Variants in GPC6 observed in about 807,000 individuals in gnomAD.
GPC6 encodes the protein glypican 6.
A neutral mutation model predicts 55.2 loss-of-function variants in GPC6; 14 were observed. The observed-to-expected ratio is 0.25, with a 90% CI of 0.17 to 0.40. The LOEUF is 0.40. Ranked by LOEUF, GPC6 falls within the 10% of genes least tolerant of loss-of-function variation. GPC6 has a pLI of 1.00. For synonymous variants in GPC6, 278 were observed against 259.6 expected, an observed-to-expected ratio of 1.07 and a Z score of -0.68; for missense variants, 641 against 708.5, an observed-to-expected ratio of 0.90 and a Z score of 1.08.
intron 2 of GPC6, among the ~76,000 whole-genome samples, chr13:93,564,752 C>T (rs1347246008): frequency 6.6e-6 from 1 of 152,070 alleles, no homozygotes; most frequent in Non-Finnish European, 1.5e-5. Context: ...ATATTTTGTA[C>T]ATGAATTACT....
At chr13:93,885,834 G>A (rs1875290737) in intron 3 of GPC6, among the ~76,000 whole-genome samples, 1 of 152,050 alleles carries the variant, frequency 6.6e-6, no homozygotes, top group South Asian at 2.1e-4. Flanking sequence ...TTAACAGTAA[G>A]TAAAATAGAG....
intron 3 of GPC6, among the ~76,000 whole-genome samples, chr13:93,933,927 G>A (rs2140357015): frequency 6.6e-6 from 1 of 152,172 alleles, no homozygotes; most frequent in South Asian, 2.1e-4. Context: ...ATTTCGCTTG[G>A]GCCTCAGAAA....
At chr13:93,299,332 A>C in intron 1 of GPC6, among the ~76,000 whole-genome samples, 1 of 152,250 alleles carries the variant, frequency 6.6e-6, no homozygotes, top group East Asian at 1.9e-4. Flanking sequence ...GTGCAGAGCA[A>C]TGTAATATAT....
chr13:93,610,275 C>G (rs1878408841), intron 2 of GPC6, among the ~76,000 whole-genome samples: 1 of 152,056 alleles, frequency 6.6e-6, no homozygotes, highest in Admixed American at 6.5e-5. Context: ...AAGCAACTGA[C>G]TCTCTCAACA....
intron 2 of GPC6, among the ~76,000 whole-genome samples, chr13:93,697,460 A>G (rs2138789464): frequency 6.6e-6 from 1 of 152,230 alleles, no homozygotes. Context: ...TTAATTCTAT[A>G]TCTGTTTTAC....
chr13:93,978,734 A>G (rs1056549606), intron 3 of GPC6, among the ~76,000 whole-genome samples: 2 of 152,118 alleles, frequency 1.3e-5, no homozygotes, highest in African/African-American at 2.4e-5. Context: ...GGTTTTTCCT[A>G]TAACCTCAAA....
At chr13:94,095,629 A>G (rs1885630780) in intron 4 of GPC6, among the ~76,000 whole-genome samples, 1 of 152,122 alleles carries the variant, frequency 6.6e-6, no homozygotes, top group Non-Finnish European at 1.5e-5. Flanking sequence ...CTACTGACTG[A>G]CTTGTTGAAT....
chr13:94,280,325 T>G (rs945402967), intron 4 of GPC6, among the ~76,000 whole-genome samples: 1 of 152,204 alleles, frequency 6.6e-6, no homozygotes, highest in African/African-American at 2.4e-5. Flanking sequence ...ACCTTCTGCC[T>G]GGGTAATTTC....
At chr13:93,612,954 T>A (rs1208699891) in intron 2 of GPC6, among the ~76,000 whole-genome samples, 1 of 152,180 alleles carries the variant, frequency 6.6e-6, no homozygotes, top group Non-Finnish European at 1.5e-5. Flanking sequence ...TGTACAGACC[T>A]TTAAATGACT....
At chr13:93,651,933 C>T (rs974416991) in intron 2 of GPC6, among the ~76,000 whole-genome samples, 1 of 152,178 alleles carries the variant, frequency 6.6e-6, no homozygotes. Context: ...ATTAAATGCT[C>T]CCAGGTGATT....
At chr13:93,975,171 G>A (rs1594634564) in intron 3 of GPC6, among the ~76,000 whole-genome samples, 2 of 152,104 alleles carry the variant, frequency 1.3e-5, no homozygotes, top group Admixed American at 1.3e-4. Flanking sequence ...AGACTATGAG[G>A]ATCACTTCTT....
At chr13:93,865,061 A>G (rs1888919755) in intron 3 of GPC6, among the ~76,000 whole-genome samples, 1 of 151,642 alleles carries the variant, frequency 6.6e-6, no homozygotes, top group South Asian at 2.1e-4. Context: ...ATTTCATCAC[A>G]ATTGGATTGC....
chr13:93,836,632 A>G (rs771161251), intron 3 of GPC6, among the ~76,000 whole-genome samples: 2 of 152,196 alleles, frequency 1.3e-5, no homozygotes, highest in Non-Finnish European at 2.9e-5. Flanking sequence ...TGATGTTTCT[A>G]TGCTTACAAC....
intron 3 of GPC6, among the ~76,000 whole-genome samples, chr13:93,864,351 A>T (rs988498461): frequency 1.3e-5 from 2 of 151,696 alleles, no homozygotes; most frequent in African/African-American, 4.8e-5. Flanking sequence ...GCATTAAATG[A>T]TTGTTCTACA....
At chr13:94,109,820 G>C (rs1037849315) in intron 4 of GPC6, among the ~76,000 whole-genome samples, 4 of 151,982 alleles carry the variant, frequency 2.6e-5, no homozygotes, top group South Asian at 2.1e-4. Flanking sequence ...AGGCTGCCCA[G>C]ATCTCTTTAG....
chr13:94,075,036 G>A (rs1884860529), intron 4 of GPC6, among the ~76,000 whole-genome samples: 1 of 151,994 alleles, frequency 6.6e-6, no homozygotes, highest in African/African-American at 2.4e-5. Flanking sequence ...TACTCATTAT[G>A]ATTATAAATT....
Position 93,907,462 on chromosome 13 carries a change from C to T in GPC6, c.711+76917C>T, listed in dbSNP as rs886229593. ...ATTTTATTTTTAAATAATTGATAAA[C>T]GATCTGTATTCCTTAATCACTTATT... is the stretch of plus-strand genomic sequence containing the variant. On this transcript the variant is annotated intron_variant, in intron 3 of 8. Transcript: ENST00000377047. Among the ~76,000 whole-genome samples the T allele has an allele frequency of 7.2e-5, 11 of 152,082 alleles. No homozygotes were observed. The East Asian group carries it at 7.7e-4, about 11-fold the overall frequency.
intron 3 of GPC6, among the ~76,000 whole-genome samples, chr13:93,848,443 G>A (rs1243663641): frequency 6.6e-6 from 1 of 151,952 alleles, no homozygotes. Flanking sequence ...CCCAAGAATA[G>A]GCTGTTGCCA....
Position 93,510,324 on chromosome 13 carries a change from T to A in GPC6, c.161-34939T>A, listed in dbSNP as rs1171289639. Reference sequence around the variant, plus strand: ...CTCTTCATCTTCCCTCTCCCCCAAATCAGCCTTCTCAGTCTCTGTTATCTA... The same window carrying A: ...CTCTTCATCTTCCCTCTCCCCCAAAACAGCCTTCTCAGTCTCTGTTATCTA... On this transcript the variant is annotated intron_variant, in intron 1 of 8. Coordinates refer to ENST00000377047, the MANE Select transcript of GPC6 (RefSeq NM_005708.5). Among the ~76,000 whole-genome samples the A allele has an allele frequency of 2.6e-5, 4 of 152,128 alleles. No individual in the cohort carries two copies. In the East Asian group the frequency reaches 7.7e-4, roughly 29 times the overall value.
Sources: allele counts gnomAD v4.1 joint callset (sites outside exome capture counted in the v4.1 genomes callset), GRCh38; gene constraint gnomAD v4.1.1; transcripts MANE v1.5; gene names NCBI Gene and HGNC (gene_info 2026-07-23, HGNC 2026-07-21).